Variants in COL4A1 observed in about 807,000 individuals in gnomAD.
The protein encoded by COL4A1 is collagen type IV alpha 1 chain, also known as collagen alpha-1(IV) chain.
COL4A1 carries 40 observed loss-of-function variants against 216.6 expected under a neutral mutation model. The observed-to-expected ratio is 0.18, with a 90% CI of 0.14 to 0.24. COL4A1 has a LOEUF of 0.24. Among genes scored for constraint, COL4A1 ranks in the 10% least tolerant of loss-of-function variants. The pLI, the probability that COL4A1 is intolerant of heterozygous loss-of-function variation, is 1.00. For synonymous variants in COL4A1, 839 were observed against 810.7 expected (o/e 1.03, Z -0.59); for missense variants, 1,628 against 2,196.8 (o/e 0.74, Z 5.18).
At chr13:110,162,464 A>G in intron 47 of COL4A1, 22 bp from the exon 48 acceptor site, 1 of 1,562,744 alleles carries the variant, frequency 6.4e-7, no homozygotes, top group Non-Finnish European at 8.8e-7. Context: ...GAGACAAATT[A>G]GTTTCCCTAA....
intron 2 of COL4A1, among the ~76,000 whole-genome samples, chr13:110,237,810 T>A (rs1881389675): frequency 6.6e-6 from 1 of 152,208 alleles, no homozygotes; most frequent in Non-Finnish European, 1.5e-5. Context: ...CATACACCGA[T>A]TGTGTCAAAT....
chr13:110,193,340 C>G (rs34706214), intron 22 of COL4A1, among the ~76,000 whole-genome samples: 22,650 of 152,212 alleles, frequency 0.15, 1,808 homozygotes, highest in East Asian at 0.3. Flanking sequence ...AGTTCATGGA[C>G]TTCACTGGTT....
chr13:110,185,033 C>T (rs919839976), intron 26 of COL4A1, among the ~76,000 whole-genome samples: 1 of 152,186 alleles, frequency 6.6e-6, no homozygotes, highest in South Asian at 2.1e-4. Flanking sequence ...ATAAAACAGG[C>T]TCAATATGGT....
intron 33 of COL4A1, among the ~76,000 whole-genome samples, 158 bp from the exon 34 acceptor site, chr13:110,177,195 A>G (rs1877928074): frequency 6.6e-6 from 1 of 152,244 alleles, no homozygotes; most frequent in South Asian, 2.1e-4. Context: ...TCTGAGACAC[A>G]GAAGAATCCA....
At chr13:110,269,669 A>C (rs1334506824) in intron 1 of COL4A1, among the ~76,000 whole-genome samples, 1 of 152,080 alleles carries the variant, frequency 6.6e-6, no homozygotes, top group Non-Finnish European at 1.5e-5. Flanking sequence ...CTGATGGAAG[A>C]CGCAACACAA....
At position 110,211,890 on chromosome 13, in the gene COL4A1, C is replaced by T; in HGVS notation, c.420G>A (p.Leu140=). The change falls in exon 7 of 52, where the codon TTG becomes TTA. Residue 140 remains leucine, a synonymous_variant. Transcript: ENST00000375820. This position sits in a 1 kb window ranked among gnomAD's most constrained non-coding sequence, Gnocchi z 4.3. Reference sequence around the variant, plus strand: ...TCACGGGATTTCCAGCGAAACCAGGCAAGCCAGGAGGCCCGAGCGGCCCTC... The same window carrying T: ...TCACGGGATTTCCAGCGAAACCAGGTAAGCCAGGAGGCCCGAGCGGCCCTC... ...GERGPLGPPG[L]PGFAGNPGPP... 6.2e-7 allele frequency: 1 copy of T among 1,614,148 alleles called. No individual in the cohort carries two copies. Among genetic ancestry groups the T allele is most frequent in the Non-Finnish European group, 8.5e-7 (1 of 1,180,030 alleles).
At chr13:110,274,738 T>C (rs1883370654) in intron 1 of COL4A1, among the ~76,000 whole-genome samples, 1 of 152,154 alleles carries the variant, frequency 6.6e-6, no homozygotes, top group Non-Finnish European at 1.5e-5. Flanking sequence ...CATGAGATCA[T>C]AACATTGTAT....
At chr13:110,261,133 A>G (rs766917850) in intron 1 of COL4A1, among the ~76,000 whole-genome samples, 27 of 151,890 alleles carry the variant, frequency 1.8e-4, no homozygotes, top group Non-Finnish European at 3.5e-4. Flanking sequence ...CACCAATTCC[A>G]TGAACTCCCC....
intron 1 of COL4A1, among the ~76,000 whole-genome samples, chr13:110,269,639 G>A (rs1350532180): frequency 1.3e-5 from 2 of 152,058 alleles, no homozygotes; most frequent in Admixed American, 6.5e-5. Flanking sequence ...GTCTCCACGT[G>A]TGTCCAGCAC....
intron 1 of COL4A1, among the ~76,000 whole-genome samples, chr13:110,248,316 C>T (rs1183971911): frequency 6.6e-6 from 1 of 152,180 alleles, no homozygotes; most frequent in Non-Finnish European, 1.5e-5. Context: ...GGCGGGATTG[C>T]GAGCGGGACA....
intron 28 of COL4A1, among the ~76,000 whole-genome samples, chr13:110,182,626 T>C (rs1878219134): frequency 2.0e-5 from 3 of 152,170 alleles, no homozygotes; most frequent in African/African-American, 7.2e-5. Flanking sequence ...CTGCGACTCC[T>C]TGCACCTCCC....
At chr13:110,153,921 C>A (rs547804907) in intron 50 of COL4A1, among the ~76,000 whole-genome samples, 102 of 152,250 alleles carry the variant, frequency 6.7e-4, no homozygotes, top group African/African-American at 2.4e-3. Flanking sequence ...GGAACAGAGA[C>A]CCTCCACACG....
intron 2 of COL4A1, among the ~76,000 whole-genome samples, chr13:110,223,361 C>T (rs1164793516): frequency 6.6e-6 from 1 of 151,948 alleles, no homozygotes; most frequent in Non-Finnish European, 1.5e-5. Flanking sequence ...GTCCATTCTC[C>T]TGAGTTTTGC....
intron 1 of COL4A1, among the ~76,000 whole-genome samples, chr13:110,289,224 G>A (rs1883979386): frequency 6.6e-6 from 1 of 152,170 alleles, no homozygotes; most frequent in South Asian, 2.1e-4. Context: ...AACAGGGTCT[G>A]AATGGCCCCG....
At chr13:110,187,521 T>C (rs796631862) in intron 24 of COL4A1, among the ~76,000 whole-genome samples, 192 bp from the exon 25 acceptor site, 4 of 152,308 alleles carry the variant, frequency 2.6e-5, no homozygotes, top group African/African-American at 7.2e-5. Context: ...GCACTTCTTG[T>C]GTTTTTCTTA....
At chr13:110,206,279 C>T (rs1050373618) in intron 15 of COL4A1, among the ~76,000 whole-genome samples, 39 of 152,182 alleles carry the variant, frequency 2.6e-4, no homozygotes, top group Non-Finnish European at 1.3e-4. Flanking sequence ...CACCACCATC[C>T]CTAAAGTGAA....
intron 1 of COL4A1, among the ~76,000 whole-genome samples, chr13:110,300,173 C>T (rs1247432278): frequency 1.3e-5 from 2 of 152,122 alleles, no homozygotes. Context: ...AAATGGTTAT[C>T]ATTGAGTTTA....
intron 1 of COL4A1, among the ~76,000 whole-genome samples, chr13:110,306,099 G>C (rs773545665): frequency 6.6e-6 from 1 of 152,080 alleles, no homozygotes; most frequent in Non-Finnish European, 1.5e-5. Flanking sequence ...GGAAACAACA[G>C]TCAGTCCAGG....
chr13:110,155,189 G>C (rs1876718368), intron 50 of COL4A1, 94 bp downstream of exon 50: 2 of 891,016 alleles, frequency 2.2e-6, no homozygotes, highest in African/African-American at 1.6e-5. Context: ...GCGAGATGCA[G>C]AGAACTCCAA....
Sources: gnomAD v4.1 joint callset for allele counts (sites outside exome capture counted in the v4.1 genomes callset) on GRCh38, gnomAD v4.1.1 for gene constraint, Gnocchi (gnomAD v3.1) non-coding constraint, MANE v1.5 for transcripts, NCBI Gene and HGNC (gene_info 2026-07-23, HGNC 2026-07-21) for gene names.